The following DYNC1I1 variants were observed in gnomAD, a reference collection of about 807,000 sequenced individuals.
The protein encoded by DYNC1I1 is cytoplasmic dynein 1 intermediate chain 1.
DYNC1I1 carries 43 observed loss-of-function variants against 86.6 expected under a neutral mutation model. The ratio of observed to expected loss-of-function variants is 0.50; its 90% CI spans 0.39 to 0.64. The LOEUF is 0.64. Among genes scored for constraint, DYNC1I1 ranks in the 30% least tolerant of loss-of-function variants. The probability of loss-of-function intolerance (pLI) is 0.00; values close to 1 mark genes in which losing one functional copy is unlikely to be tolerated. For synonymous variants in DYNC1I1, 262 were observed against 283.7 expected (o/e 0.92, Z 0.77); for missense variants, 604 against 788.8 (o/e 0.77, Z 2.81).
At chr7:96,050,152 A>G (rs2116101287) in intron 14 of DYNC1I1, among the ~76,000 whole-genome samples, 1 of 152,336 alleles carries the variant, frequency 6.6e-6, no homozygotes, top group South Asian at 2.1e-4. Flanking sequence ...CTACTGCCCA[A>G]GAATTCACAT....
intron 14 of DYNC1I1, among the ~76,000 whole-genome samples, chr7:96,070,993 T>C (rs1024353215): frequency 6.6e-5 from 10 of 152,236 alleles, no homozygotes. Flanking sequence ...TCAAGTCTTA[T>C]TGTAAAACAC....
rs1283448790 is a variant in DYNC1I1, at chr7:96,097,830, G to C, written c.*237G>C. The C allele has an allele frequency of 1.6e-6, 2 of 1,244,158 alleles. No individual in the cohort carries two copies. Among genetic ancestry groups the C allele is most frequent in the African/African-American group, 3.0e-5 (2 of 65,948 alleles). The allele number at this position is 1,244,158 out of a possible 1,614,324, so 77.1% of individuals were successfully genotyped here. On this transcript the variant is annotated 3_prime_UTR_variant, in exon 17 of 17. Transcript: ENST00000447467. ...ATTTCTGTCTCAAAAATGAAGAGAA[G>C]GGGGTTATGGGTTAAGTTGCTGCCT...
intron 10 of DYNC1I1, among the ~76,000 whole-genome samples, chr7:96,026,029 T>C (rs1035526318): frequency 2.0e-5 from 3 of 152,168 alleles, no homozygotes; most frequent in Admixed American, 6.5e-5. Flanking sequence ...CCAACGTAGC[T>C]CCAGCAACAT....
At chr7:95,800,994 A>G (rs1268565197) in intron 1 of DYNC1I1, among the ~76,000 whole-genome samples, 2 of 152,200 alleles carry the variant, frequency 1.3e-5, no homozygotes, top group South Asian at 2.1e-4. Flanking sequence ...ATTTAATGCT[A>G]CTATTTAAGC....
At chr7:96,070,761 A>G (rs1040715227) in intron 14 of DYNC1I1, among the ~76,000 whole-genome samples, 2 of 152,236 alleles carry the variant, frequency 1.3e-5, no homozygotes, top group Non-Finnish European at 1.5e-5. Flanking sequence ...TCACCAAAAC[A>G]CTAAATCCTA....
intron 6 of DYNC1I1, among the ~76,000 whole-genome samples, chr7:95,915,480 C>G (rs914563734): frequency 2.6e-5 from 4 of 152,140 alleles, no homozygotes; most frequent in African/African-American, 9.7e-5. Flanking sequence ...TCAGGTAAAG[C>G]TATTTTTTTA....
chr7:95,971,895 C>T (rs1488006120), intron 6 of DYNC1I1, among the ~76,000 whole-genome samples: 1 of 152,146 alleles, frequency 6.6e-6, no homozygotes, highest in Non-Finnish European at 1.5e-5. Context: ...CCTGCCTTCA[C>T]TCTCCACCCG....
In DYNC1I1 at chr7:95,780,934, C is replaced by T. The variant is rs76016534; in HGVS notation, c.-10+8161C>T. On this transcript the variant is annotated intron_variant, in intron 1 of 16. Coordinates refer to ENST00000447467, the MANE Select transcript of DYNC1I1 (RefSeq NM_001135556.2). Reference sequence around the variant, plus strand: ...CGTGCGTCTACTGTTTCACCATCTGCCCGTTAGTATCAATATAGCAAGAGG... The same window carrying T: ...CGTGCGTCTACTGTTTCACCATCTGTCCGTTAGTATCAATATAGCAAGAGG... 2.4e-3 allele frequency among the ~76,000 whole-genome samples: 372 copies of T among 152,166 alleles called. 2 individuals carry two copies. The highest frequency in any genetic ancestry group is 8.6e-3 in the African/African-American group (358 of 41,532).
intron 16 of DYNC1I1, among the ~76,000 whole-genome samples, chr7:96,108,479 A>AT (rs1791253997): frequency 6.6e-6 from 1 of 152,116 alleles, no homozygotes; most frequent in Admixed American, 6.6e-5. Context: ...CTTGCCTTCC[A>AT]TTTTCTCTAA....
At chr7:95,953,886 G>T (rs1175767770) in intron 6 of DYNC1I1, among the ~76,000 whole-genome samples, 3 of 152,156 alleles carry the variant, frequency 2.0e-5, no homozygotes, top group African/African-American at 7.2e-5. Context: ...TGCTTTACTT[G>T]TGACTTAATT....
chr7:95,891,462 G>T (rs1280021085), intron 6 of DYNC1I1, among the ~76,000 whole-genome samples: 1 of 152,152 alleles, frequency 6.6e-6, no homozygotes, highest in Non-Finnish European at 1.5e-5. Context: ...GTCCACTTTT[G>T]CCTTTGTAGA....
chr7:96,078,918 G>A (rs1193873044), intron 15 of DYNC1I1, among the ~76,000 whole-genome samples: 1 of 152,066 alleles, frequency 6.6e-6, no homozygotes, highest in African/African-American at 2.4e-5. Context: ...TTCAGCCTCT[G>A]AAAGATTTGG....
intron 1 of DYNC1I1, among the ~76,000 whole-genome samples, chr7:95,800,944 G>T (rs1464845962): frequency 6.6e-6 from 1 of 152,188 alleles, no homozygotes; most frequent in African/African-American, 2.4e-5. Context: ...AGACTAGCAA[G>T]CCCCCCAGGA....
chr7:96,041,337 G>A (rs1789042451), intron 14 of DYNC1I1, among the ~76,000 whole-genome samples: 1 of 152,140 alleles, frequency 6.6e-6, no homozygotes, highest in African/African-American at 2.4e-5. Context: ...CTGTGATGAG[G>A]CCGAAAGAAA....
At chr7:96,023,199 G>A (rs371740070) in intron 10 of DYNC1I1, among the ~76,000 whole-genome samples, 4 of 148,174 alleles carry the variant, frequency 2.7e-5, no homozygotes, top group Non-Finnish European at 3.0e-5. Context: ...CAAATAAAAC[G>A]TCAGCCACCA....
chr7:95,960,852 C>A (rs1051143707), intron 6 of DYNC1I1, among the ~76,000 whole-genome samples: 4 of 152,178 alleles, frequency 2.6e-5, no homozygotes, highest in African/African-American at 9.6e-5. Flanking sequence ...ATCGTCTAGA[C>A]CTGTTTGAGT....
At chr7:96,106,522 C>T (rs1326711925) in intron 16 of DYNC1I1, among the ~76,000 whole-genome samples, 2 of 151,270 alleles carry the variant, frequency 1.3e-5, no homozygotes, top group African/African-American at 4.9e-5. Flanking sequence ...GCAACAAGAG[C>T]GAAACCCTGT....
At chr7:95,987,000 A>G in intron 8 of DYNC1I1, 56 bp from the exon 9 acceptor site, 1 of 1,510,070 alleles carries the variant, frequency 6.6e-7, no homozygotes, top group Non-Finnish European at 9.2e-7. Context: ...GTGCTTCTAT[A>G]TGAGCAGCAT....
chr7:95,984,696 G>A, intron 7 of DYNC1I1, 119 bp from the exon 8 acceptor site: 1 of 931,032 alleles, frequency 1.1e-6, no homozygotes, highest in African/African-American at 1.7e-5. Context: ...TTGTTTCACT[G>A]TGTCTTGCCA....
Sources: allele counts gnomAD v4.1 joint callset (sites outside exome capture counted in the v4.1 genomes callset), GRCh38; gene constraint gnomAD v4.1.1; transcripts MANE v1.5; gene names NCBI Gene and HGNC (gene_info 2026-07-23, HGNC 2026-07-21).